The following FAM174A variants were observed in gnomAD, a reference collection of about 807,000 sequenced individuals.
FAM174A encodes the protein membrane protein FAM174A.
FAM174A carries 14 observed loss-of-function variants against 14.3 expected under a neutral mutation model. That is an observed-to-expected ratio of 0.98 (90% CI 0.65 to 1.53). The LOEUF (loss-of-function observed/expected upper bound fraction) is 1.53, where lower values mean the gene tolerates loss of function less well. Ranked by LOEUF, FAM174A falls within the 40% of genes most tolerant of loss-of-function variation. The probability of loss-of-function intolerance (pLI) is 0.00; values close to 1 mark genes in which losing one functional copy is unlikely to be tolerated. For missense variants in FAM174A, 241 were observed against 249.6 expected (o/e 0.97, Z 0.23); for synonymous variants, 108 against 111.4 (o/e 0.97, Z 0.19).
At chr5:100,544,767 A>G (rs1746131987) in intron 1 of FAM174A, among the ~76,000 whole-genome samples, 1 of 152,200 alleles carries the variant, frequency 6.6e-6, no homozygotes, top group South Asian at 2.1e-4. Flanking sequence ...TCCTCAGGGT[A>G]TTAGAGTACA....
intron 2 of FAM174A, among the ~76,000 whole-genome samples, chr5:100,575,827 C>G (rs1268307763): frequency 6.6e-6 from 1 of 152,114 alleles, no homozygotes; most frequent in African/African-American, 2.4e-5. Context: ...AGAACTCAAA[C>G]AAATTTACAA....
chr5:100,568,019 G>A (rs544651970), intron 2 of FAM174A, among the ~76,000 whole-genome samples: 25 of 151,762 alleles, frequency 1.6e-4, no homozygotes, highest in Non-Finnish European at 2.4e-4. Flanking sequence ...TCTAATCTTC[G>A]TTATGAAAGT....
intron 1 of FAM174A, among the ~76,000 whole-genome samples, chr5:100,543,003 A>T (rs1051891186): frequency 1.3e-5 from 2 of 152,000 alleles, no homozygotes; most frequent in African/African-American, 4.8e-5. Context: ...CTGAAGTGGG[A>T]GGATCACTCA....
intron 2 of FAM174A, among the ~76,000 whole-genome samples, chr5:100,582,660 G>C (rs1462053391): frequency 7.2e-5 from 11 of 152,102 alleles, no homozygotes; most frequent in Non-Finnish European, 8.8e-5. Flanking sequence ...GGCAATAAGA[G>C]AGTAAATGGG....
intron 2 of FAM174A, among the ~76,000 whole-genome samples, chr5:100,584,135 T>C (rs1747074117): frequency 6.6e-6 from 1 of 152,222 alleles, no homozygotes; most frequent in South Asian, 2.1e-4. Context: ...GTTTTCAGTG[T>C]CCAGGCCTTC....
At chr5:100,554,640 T>C (rs1301896656) in intron 1 of FAM174A, among the ~76,000 whole-genome samples, 1 of 131,252 alleles carries the variant, frequency 7.6e-6, no homozygotes, top group Non-Finnish European at 1.6e-5. Context: ...CTAAAGACAA[T>C]ACATTTATTA....
intron 1 of FAM174A, among the ~76,000 whole-genome samples, chr5:100,544,729 C>T (rs746517096): frequency 5.3e-5 from 8 of 152,168 alleles, no homozygotes; most frequent in Non-Finnish European, 1.0e-4. Context: ...GCAGATTATT[C>T]ACCAGTGTAT....
intron 1 of FAM174A, among the ~76,000 whole-genome samples, chr5:100,548,307 T>G (rs1746199604): frequency 2.0e-5 from 3 of 152,134 alleles, no homozygotes; most frequent in Admixed American, 2.0e-4. Context: ...AAGCAGATTC[T>G]ATTACAGTGA....
At chr5:100,573,918 A>G (rs990929203) in intron 2 of FAM174A, among the ~76,000 whole-genome samples, 16 of 151,816 alleles carry the variant, frequency 1.1e-4, no homozygotes, top group African/African-American at 3.6e-4. Context: ...CAGAAATAAC[A>G]CCGCATATCT....
At chr5:100,578,107 A>AT (rs1197005785) in intron 2 of FAM174A, among the ~76,000 whole-genome samples, 1 of 152,144 alleles carries the variant, frequency 6.6e-6, no homozygotes, top group Non-Finnish European at 1.5e-5. Context: ...CCAGAGTAGC[A>AT]TTTTTATTTT....
intron 2 of FAM174A, chr5:100,581,283 T>C (rs1209358397): frequency 1.4e-6 from 1 of 708,218 alleles, no homozygotes; most frequent in Non-Finnish European, 1.7e-6. Flanking sequence ...CTATATCACC[T>C]CTCCAGAGAG....
chr5:100,541,798 T>C (rs1396992882), intron 1 of FAM174A, among the ~76,000 whole-genome samples: 1 of 152,170 alleles, frequency 6.6e-6, no homozygotes, highest in African/African-American at 2.4e-5. Flanking sequence ...ATGCAGAAGA[T>C]GGTTAATAAG....
At chr5:100,567,968 C>T (rs565566988) in intron 2 of FAM174A, among the ~76,000 whole-genome samples, 1 of 152,078 alleles carries the variant, frequency 6.6e-6, no homozygotes, top group South Asian at 2.1e-4. Flanking sequence ...ATCTAAATTT[C>T]TCCCTATGTT....
intron 2 of FAM174A, among the ~76,000 whole-genome samples, chr5:100,572,650 A>C (rs931303967): frequency 6.6e-6 from 1 of 152,030 alleles, no homozygotes; most frequent in African/African-American, 2.4e-5. Context: ...CCAGTCTATC[A>C]TTGTTGGACA....
chr5:100,543,271 C>T (rs900167151), intron 1 of FAM174A, among the ~76,000 whole-genome samples: 4 of 152,062 alleles, frequency 2.6e-5, no homozygotes, highest in African/African-American at 9.7e-5. Flanking sequence ...GCGCACGCCA[C>T]CACACCCAGC....
chr5:100,579,601 T>G (rs1580378902), intron 2 of FAM174A, among the ~76,000 whole-genome samples: 1 of 151,992 alleles, frequency 6.6e-6, no homozygotes, highest in South Asian at 2.1e-4. Context: ...ATTTTTGTAT[T>G]TTTTAGTAGA....
In FAM174A at chr5:100,568,708, ATTGCT is replaced by A. The variant is rs1746714860; in HGVS notation, c.569+6527_569+6531del. Among the ~76,000 whole-genome samples the A allele has an allele frequency of 2.0e-5, 3 of 150,950 alleles. No individual in the cohort carries two copies. The Admixed American group carries it at 2.0e-4, about 10-fold the overall frequency. On this transcript the variant is annotated intron_variant, in intron 2 of 2. Coordinates refer to ENST00000312637, the MANE Select transcript of FAM174A (RefSeq NM_198507.3). ...TCTGAGTTTCTTTGCCTATTAAAGA[ATTGCT>A]TTGCTTAAAAAAAACTTTCTAAAAA...
chr5:100,571,588 T>C (rs919366901), intron 2 of FAM174A, among the ~76,000 whole-genome samples: 1 of 147,514 alleles, frequency 6.8e-6, no homozygotes, highest in Non-Finnish European at 1.5e-5. Context: ...TATAGAAATA[T>C]TTATTTAAAT....
chr5:100,572,937 T>C (rs1217086398), intron 2 of FAM174A, among the ~76,000 whole-genome samples: 2 of 152,168 alleles, frequency 1.3e-5, no homozygotes, highest in Non-Finnish European at 2.9e-5. Context: ...TTTGAATGAT[T>C]GCCATTCTAA....
Sources: gnomAD v4.1 joint callset for allele counts (sites outside exome capture counted in the v4.1 genomes callset) on GRCh38, gnomAD v4.1.1 for gene constraint, MANE v1.5 for transcripts, NCBI Gene and HGNC (gene_info 2026-07-23, HGNC 2026-07-21) for gene names.